NKAIN3: variants seen among roughly 807,000 people sequenced by gnomAD.
NKAIN3 encodes sodium/potassium-transporting ATPase subunit beta-1-interacting protein 3.
A neutral mutation model predicts 30.2 loss-of-function variants in NKAIN3; 25 were observed. That is an observed-to-expected ratio of 0.83 (90% CI 0.60 to 1.16). The LOEUF (loss-of-function observed/expected upper bound fraction) is 1.16, where lower values mean the gene tolerates loss of function less well. NKAIN3 is among the 50% of genes most tolerant of loss of function. The pLI is 0.00. For synonymous variants in NKAIN3, 91 were observed against 89.6 expected (o/e 1.02, Z -0.09); for missense variants, 225 against 254.1 (o/e 0.89, Z 0.78).
chr8:62,477,609 G>A (rs1361300640), intron 1 of NKAIN3, among the ~76,000 whole-genome samples: 2 of 152,144 alleles, frequency 1.3e-5, no homozygotes, highest in Admixed American at 1.3e-4. Context: ...AGGAGATGAG[G>A]ATGCTTGCTT....
intron 1 of NKAIN3, among the ~76,000 whole-genome samples, chr8:62,337,035 T>G (rs2129590537): frequency 6.6e-6 from 1 of 152,156 alleles, no homozygotes; most frequent in South Asian, 2.1e-4. Context: ...GCTCAGCCCA[T>G]CTTCTCTCCC....
chr8:62,442,589 A>T (rs1191045833), intron 1 of NKAIN3, among the ~76,000 whole-genome samples: 2 of 151,358 alleles, frequency 1.3e-5, no homozygotes, highest in African/African-American at 4.8e-5. Flanking sequence ...TTTTTATTTC[A>T]CTGATTGCTG....
intron 4 of NKAIN3, among the ~76,000 whole-genome samples, chr8:62,806,811 A>G (rs1292621562): frequency 1.3e-5 from 2 of 150,030 alleles, no homozygotes; most frequent in Admixed American, 6.6e-5. Flanking sequence ...TAATAATAAT[A>G]AAAAATAAAA....
intron 1 of NKAIN3, among the ~76,000 whole-genome samples, chr8:62,349,272 C>A (rs770466093): frequency 6.6e-6 from 1 of 152,004 alleles, no homozygotes; most frequent in Non-Finnish European, 1.5e-5. Context: ...AATATTTAAT[C>A]CCTCTAGGGA....
chr8:62,942,127 G>T (rs1822974061), intron 5 of NKAIN3, among the ~76,000 whole-genome samples: 1 of 150,322 alleles, frequency 6.7e-6, no homozygotes, highest in Non-Finnish European at 1.5e-5. Context: ...CAGCAACAAA[G>T]CTGTGAATCA....
At chr8:62,784,686 C>T (rs1456280359) in intron 4 of NKAIN3, among the ~76,000 whole-genome samples, 3 of 151,986 alleles carry the variant, frequency 2.0e-5, no homozygotes, top group African/African-American at 4.8e-5. Context: ...TGAATTCTAT[C>T]GAATATTTTT....
At chr8:62,530,618 G>T (rs1406747957) in intron 1 of NKAIN3, among the ~76,000 whole-genome samples, 1 of 151,858 alleles carries the variant, frequency 6.6e-6, no homozygotes, top group Non-Finnish European at 1.5e-5. Context: ...ACGTATGTAT[G>T]TATTTATTTA....
rs184097741 is a variant in NKAIN3, at chr8:62,586,377, C to T, written c.193-3337C>T. 5.6e-4 allele frequency among the ~76,000 whole-genome samples: 86 copies of T among 152,232 alleles called. 1 individual carries two copies. Among genetic ancestry groups the T allele is most frequent in the African/African-American group, 2.0e-3 (85 of 41,558 alleles). ...TAGTTACCTCATTTGAAAAACTTGA[C>T]CCATGTATCATTTTAAATAATTATA... is the stretch of plus-strand genomic sequence containing the variant. On this transcript the variant is annotated intron_variant, in intron 2 of 6. Coordinates refer to ENST00000623646, the MANE Select transcript of NKAIN3 (RefSeq NM_001304533.3).
intron 3 of NKAIN3, among the ~76,000 whole-genome samples, chr8:62,594,476 A>G (rs920724246): frequency 1.3e-5 from 2 of 152,064 alleles, no homozygotes; most frequent in Non-Finnish European, 2.9e-5. Flanking sequence ...TTTATAGATC[A>G]AATCAAATCA....
At chr8:62,788,772 C>A (rs1185467100) in intron 4 of NKAIN3, among the ~76,000 whole-genome samples, 3 of 151,622 alleles carry the variant, frequency 2.0e-5, no homozygotes, top group Non-Finnish European at 4.4e-5. Context: ...GTTTTCCCAG[C>A]ACCATTTATT....
intron 4 of NKAIN3, among the ~76,000 whole-genome samples, chr8:62,849,983 C>T (rs542880087): frequency 6.6e-6 from 1 of 151,910 alleles, no homozygotes; most frequent in East Asian, 1.9e-4. Flanking sequence ...AATGCGATAG[C>T]TGGGTGAAAT....
At chr8:62,838,129 C>CTCTG (rs112754380) in intron 4 of NKAIN3, among the ~76,000 whole-genome samples, 4 of 147,636 alleles carry the variant, frequency 2.7e-5, no homozygotes, top group Non-Finnish European at 3.0e-5. Context: ...CAATACCGCT[C>CTCTG]TGTGTGTGTG....
At chr8:62,692,810 A>G (rs1232352985) in intron 3 of NKAIN3, among the ~76,000 whole-genome samples, 1 of 152,188 alleles carries the variant, frequency 6.6e-6, no homozygotes, top group Non-Finnish European at 1.5e-5. Context: ...AATTTTCACT[A>G]ATGTCATTTG....
intron 1 of NKAIN3, among the ~76,000 whole-genome samples, chr8:62,332,325 T>A (rs1815383348): frequency 6.6e-6 from 1 of 152,158 alleles, no homozygotes; most frequent in African/African-American, 2.4e-5. Context: ...TGGTTTGGTA[T>A]ATTCTGTACT....
intron 1 of NKAIN3, among the ~76,000 whole-genome samples, chr8:62,310,871 C>G (rs1418730701): frequency 6.7e-6 from 1 of 150,178 alleles, no homozygotes; most frequent in Non-Finnish European, 1.5e-5. Flanking sequence ...AAGGATGACA[C>G]TAGTATCACT....
intron 1 of NKAIN3, among the ~76,000 whole-genome samples, chr8:62,301,969 G>A (rs1814064481): frequency 6.6e-6 from 1 of 151,986 alleles, no homozygotes; most frequent in African/African-American, 2.4e-5. Context: ...GGAAATTCTT[G>A]GTTTTCAGCA....
At chr8:62,787,458 A>C (rs189419720) in intron 4 of NKAIN3, among the ~76,000 whole-genome samples, 42 of 152,304 alleles carry the variant, frequency 2.8e-4, no homozygotes, top group Admixed American at 7.9e-4. Context: ...CATGATACTT[A>C]ATTATAAACT....
chr8:62,404,475 T>A (rs977982520), intron 1 of NKAIN3, among the ~76,000 whole-genome samples: 3 of 152,142 alleles, frequency 2.0e-5, no homozygotes, highest in South Asian at 2.1e-4. Context: ...GTTTCCCCCA[T>A]GCTATTCTCA....
intron 1 of NKAIN3, among the ~76,000 whole-genome samples, chr8:62,422,108 C>G (rs1196497428): frequency 6.6e-6 from 1 of 152,070 alleles, no homozygotes; most frequent in African/African-American, 2.4e-5. Flanking sequence ...TAAAATATGT[C>G]AAGTTATTTT....
Sources: allele counts gnomAD v4.1 joint callset (sites outside exome capture counted in the v4.1 genomes callset), GRCh38; gene constraint gnomAD v4.1.1; transcripts MANE v1.5; gene names NCBI Gene and HGNC (gene_info 2026-07-23, HGNC 2026-07-21).